The following ZNF333 variants were observed in gnomAD, a reference collection of about 807,000 sequenced individuals.
ZNF333 encodes zinc finger protein 333.
ZNF333 carries 61 observed loss-of-function variants against 76.1 expected under a neutral mutation model. The observed-to-expected ratio is 0.80, with a 90% CI of 0.65 to 0.99. The LOEUF is 0.99. Ranked by LOEUF, ZNF333 falls within the 50% of genes least tolerant of loss-of-function variation. ZNF333 has a pLI of 0.00. For missense variants in ZNF333, 717 were observed against 822.4 expected, an observed-to-expected ratio of 0.87 and a Z score of 1.57; for synonymous variants, 284 against 305.0, an observed-to-expected ratio of 0.93 and a Z score of 0.72.
chr19:14,699,297 T>A lies in ZNF333; in HGVS notation c.306+16T>A. The stretch of plus-strand genomic sequence containing the variant: ...CATGCAAATGGTAAGATGCACGGGG[T>A]TTTCCCCGGCTCCCAGCATGGGAGA... On this transcript the variant is annotated intron_variant, in intron 5 of 11. Transcript: ENST00000292530. 6.2e-7 allele frequency: 1 copy of A among 1,609,840 alleles called. No homozygotes were observed. The highest frequency in any genetic ancestry group is 1.3e-5 in the African/African-American group (1 of 74,800).
intron 5 of ZNF333, chr19:14,701,881 GC>G: frequency 1.0e-6 from 1 of 985,612 alleles, no homozygotes; most frequent in South Asian, 4.7e-5. Flanking sequence ...AAGACATCCA[GC>G]CCGTGAGTAG....
At chr19:14,690,031 G>A (rs987159267), upstream of ZNF333, 1 of 152,668 alleles carries the variant, frequency 6.6e-6, no homozygotes, top group Non-Finnish European at 1.5e-5. Context: ...TTCCGTTCCC[G>A]GCGGCCCCGA....
At chr19:14,692,291 C>T (rs918241845) in intron 1 of ZNF333, among the ~76,000 whole-genome samples, 7 of 152,150 alleles carry the variant, frequency 4.6e-5, no homozygotes, top group African/African-American at 7.2e-5. Flanking sequence ...ATGAGTTGTA[C>T]GTAGCTAAAC....
intron 6 of ZNF333, chr19:14,705,942 G>A (rs1051316062): frequency 2.7e-6 from 1 of 373,604 alleles, no homozygotes; most frequent in South Asian, 2.0e-5. Context: ...TGTAAGGCAC[G>A]TCCTGAGCCC....
rs79724046 is a variant in ZNF333 at position 14,718,731 on chromosome 19, C to T, written c.1404C>T (p.His468=). 11,480 of 1,613,922 alleles carry T rather than the reference C, an allele frequency of 7.1e-3. 504 individuals carry two copies. In the African/African-American group the frequency reaches 0.1, roughly 15 times the overall value. The change falls in exon 12 of 12, where the codon CAC becomes CAT. Residue 468 remains histidine (H), a synonymous_variant. Coordinates refer to ENST00000292530, the MANE Select transcript of ZNF333 (RefSeq NM_032433.4). ...ATCAGCCATCATCCCTCAGGAGCCACGTGAGAACTCACACTGGAGAGAAGC... is the reference window on the plus strand; with the variant it reads ...ATCAGCCATCATCCCTCAGGAGCCATGTGAGAACTCACACTGGAGAGAAGC... ...AFNQPSSLRS[H]VRTHTGEKPF... is the part of the protein sequence containing the mutation.
At chr19:14,697,308 T>A (rs1405106471) in intron 4 of ZNF333, among the ~76,000 whole-genome samples, 1 of 152,100 alleles carries the variant, frequency 6.6e-6, no homozygotes, top group East Asian at 1.9e-4. Context: ...TTAGCTATTG[T>A]GAATAATGTT....
chr19:14,693,527 G>T (rs1972925585), intron 2 of ZNF333, 33 bp downstream of exon 2: 2 of 1,596,738 alleles, frequency 1.3e-6, no homozygotes, highest in East Asian at 2.2e-5. Flanking sequence ...TGGCTGAAGG[G>T]GTGGATATGT....
At chr19:14,725,329 CA>C (rs1431553066), downstream of ZNF333, among the ~76,000 whole-genome samples, 2 of 152,178 alleles carry the variant, frequency 1.3e-5, no homozygotes, top group East Asian at 3.9e-4. Context: ...TACATTTCAA[CA>C]AGAGATTTGG....
intron 5 of ZNF333, among the ~76,000 whole-genome samples, chr19:14,704,737 G>T (rs922693444): frequency 6.6e-6 from 1 of 152,168 alleles, no homozygotes; most frequent in Non-Finnish European, 1.5e-5. Context: ...GGAAAGACCT[G>T]TCCCCATGAA....
At chr19:14,714,191 G>T (rs2042357847) in intron 7 of ZNF333, among the ~76,000 whole-genome samples, 1 of 151,296 alleles carries the variant, frequency 6.6e-6, no homozygotes, top group Non-Finnish European at 1.5e-5. Flanking sequence ...CTTGAATTGT[G>T]CCCCTCCAAA....
Position 14,720,202 on chromosome 19 carries a change from A to T in ZNF333, c.*877A>T, listed in dbSNP as rs992481218. The T allele has an allele frequency of 1.1e-4, 106 of 984,156 alleles. No homozygotes were observed. The highest frequency in any genetic ancestry group is 8.6e-4 in the Admixed American group (14 of 16,228). 61.0% of individuals were successfully genotyped at this position (984,156 alleles called of 1,614,324 possible). ...CTCTGTCTCAAAAATAATAATAATA[A>T]AAAAAAGCTTCCATCTCCCAGCCCT... On this transcript the variant is annotated 3_prime_UTR_variant, in exon 12 of 12. Transcript: ENST00000292530.
chr19:14,711,096 T>A (rs2042261772), intron 7 of ZNF333, among the ~76,000 whole-genome samples: 1 of 152,180 alleles, frequency 6.6e-6, no homozygotes. Flanking sequence ...TCTTGAGGGA[T>A]CTGCCCCCAA....
downstream of ZNF333, among the ~76,000 whole-genome samples, chr19:14,725,298 C>T (rs1187580015): frequency 1.3e-5 from 2 of 152,114 alleles, no homozygotes; most frequent in African/African-American, 2.4e-5. Context: ...CCCACCAGTC[C>T]CCATCTCCAA....
chr19:14,713,268 T>G (rs749856898), intron 7 of ZNF333, among the ~76,000 whole-genome samples: 4 of 152,240 alleles, frequency 2.6e-5, no homozygotes, highest in South Asian at 4.1e-4. Context: ...TCATGGGTCC[T>G]GAGCAAGTTT....
intron 2 of ZNF333, among the ~76,000 whole-genome samples, chr19:14,694,530 A>G (rs1480464537): frequency 6.6e-6 from 1 of 152,176 alleles, no homozygotes; most frequent in African/African-American, 2.4e-5. Context: ...CTACTTTCAC[A>G]AGTATATAAT....
intron 11 of ZNF333, among the ~76,000 whole-genome samples, chr19:14,728,589 C>T (rs1471381963): frequency 2.0e-5 from 3 of 152,218 alleles, no homozygotes; most frequent in African/African-American, 4.8e-5. Context: ...TCATCTCAAA[C>T]AACAGTTACT....
At chr19:14,711,862 A>G (rs548714319) in intron 7 of ZNF333, among the ~76,000 whole-genome samples, 25 of 152,180 alleles carry the variant, frequency 1.6e-4, no homozygotes, top group African/African-American at 5.3e-4. Context: ...GCAGCAATAC[A>G]TAGCTGGTTA....
intron 1 of ZNF333, among the ~76,000 whole-genome samples, chr19:14,691,465 GA>G (rs1358189383): frequency 6.6e-6 from 1 of 152,104 alleles, no homozygotes; most frequent in African/African-American, 2.4e-5. Flanking sequence ...GAGAAATCAG[GA>G]AAAAATTAAC....
At chr19:14,712,936 C>T (rs1249861101) in intron 7 of ZNF333, among the ~76,000 whole-genome samples, 3 of 152,150 alleles carry the variant, frequency 2.0e-5, no homozygotes, top group African/African-American at 7.2e-5. Flanking sequence ...CTAGTCCCCC[C>T]AAATTCATGT....
Sources: allele counts gnomAD v4.1 joint callset (sites outside exome capture counted in the v4.1 genomes callset), GRCh38; gene constraint gnomAD v4.1.1; transcripts MANE v1.5; gene names NCBI Gene and HGNC (gene_info 2026-07-23, HGNC 2026-07-21).